Variants in PRIMPOL observed in about 807,000 individuals in gnomAD.
PRIMPOL encodes DNA-directed primase/polymerase protein.
Under a neutral mutation model 63.6 loss-of-function variants are expected in PRIMPOL, and 54 were observed. The ratio of observed to expected loss-of-function variants is 0.85; its 90% CI spans 0.68 to 1.07. The LOEUF (loss-of-function observed/expected upper bound fraction) is 1.07, where lower values mean the gene tolerates loss of function less well. Ranked by LOEUF, PRIMPOL falls within the 50% of genes least tolerant of loss-of-function variation. The probability of loss-of-function intolerance (pLI) is 0.00; values close to 1 mark genes in which losing one functional copy is unlikely to be tolerated. For missense variants in PRIMPOL, 610 were observed against 648.3 expected (o/e 0.94, Z 0.64); for synonymous variants, 197 against 220.2 (o/e 0.89, Z 0.93).
chr4:184,690,050 G>A (rs948749802), intron 11 of PRIMPOL, among the ~76,000 whole-genome samples: 3 of 151,976 alleles, frequency 2.0e-5, no homozygotes, highest in Non-Finnish European at 2.9e-5. Context: ...TTGCTCCTGG[G>A]TGCAGGTCCC....
At chr4:184,680,008 GA>G (rs1393525758) in intron 8 of PRIMPOL, among the ~76,000 whole-genome samples, 1 of 152,178 alleles carries the variant, frequency 6.6e-6, no homozygotes, top group Non-Finnish European at 1.5e-5. Flanking sequence ...AGACCTGCTA[GA>G]TGTCATTTCT....
At chr4:184,655,742 G>A (rs1746243519) in intron 2 of PRIMPOL, among the ~76,000 whole-genome samples, 1 of 152,144 alleles carries the variant, frequency 6.6e-6, no homozygotes. Context: ...AACTCAATAA[G>A]CACAAATGTG....
At chr4:184,692,755 G>C (rs1168996397) in intron 13 of PRIMPOL, among the ~76,000 whole-genome samples, 1 of 151,956 alleles carries the variant, frequency 6.6e-6, no homozygotes, top group Non-Finnish European at 1.5e-5. Context: ...GATAATTTAT[G>C]AGAGCACCTA....
In PRIMPOL at chr4:184,694,759, A is replaced by G. The variant is rs1164325268; in HGVS notation, c.1663A>G (p.Ile555Val). ...EVDEIPDELI[I>V]EVLQE ...GGATGAAATTCCTGATGAACTAATT[A>G]TAGAAGTATTACAAGAGTAACTAAT... Residue 555 changes from isoleucine (I) to valine (V), a missense_variant, in exon 14 of 14, where the codon ATA (isoleucine) becomes GTA (valine). By Grantham distance (29) the Ile-to-Val change is conservative (BLOSUM62 3). Transcript: ENST00000314970. 6.2e-7 allele frequency: 1 copy of G among 1,611,742 alleles called. No homozygotes were observed. The highest frequency in any genetic ancestry group is 8.5e-7 in the Non-Finnish European group (1 of 1,177,840).
chr4:184,680,994 G>A (rs537044576), intron 8 of PRIMPOL, among the ~76,000 whole-genome samples: 6 of 152,198 alleles, frequency 3.9e-5, no homozygotes, highest in Non-Finnish European at 8.8e-5. Flanking sequence ...TATGGGAAAA[G>A]CAACTACAGC....
At chr4:184,659,282 GT>G (rs1315410628) in intron 3 of PRIMPOL, 57 bp from the exon 4 acceptor site, 1 of 1,264,436 alleles carries the variant, frequency 7.9e-7, no homozygotes, top group Admixed American at 1.8e-5. Context: ...AGTAGCTACA[GT>G]TGAGTTTAGG....
At chr4:184,682,015 C>T (rs1394020023) in intron 8 of PRIMPOL, among the ~76,000 whole-genome samples, 1 of 152,192 alleles carries the variant, frequency 6.6e-6, no homozygotes, top group African/African-American at 2.4e-5. Flanking sequence ...TAAGTAATCA[C>T]CAACCTACTC....
At position 184,691,651 on chromosome 4, in the gene PRIMPOL, A is replaced by G. The variant is rs780814114; in HGVS notation, c.1379-15A>G. The G allele has an allele frequency of 3.9e-5, 63 of 1,610,318 alleles. No homozygotes were observed. Among genetic ancestry groups the G allele is most frequent in the Admixed American group, 3.7e-4 (22 of 59,970 alleles). On this transcript the variant is annotated splice_polypyrimidine_tract_variant and intron_variant, in intron 12 of 13. Transcript: ENST00000314970. ...AACTGTAATATGTAATAGTTTTGCTATCTTTCTGATTCAGGTTTCCCATTA... is the reference window on the plus strand; with the variant it reads ...AACTGTAATATGTAATAGTTTTGCTGTCTTTCTGATTCAGGTTTCCCATTA...
intron 2 of PRIMPOL, among the ~76,000 whole-genome samples, chr4:184,655,159 G>A (rs576303314): frequency 2.6e-5 from 4 of 151,500 alleles, no homozygotes; most frequent in South Asian, 2.1e-4. Context: ...ACAGGTGCCC[G>A]CCACCACGCC....
intron 5 of PRIMPOL, among the ~76,000 whole-genome samples, chr4:184,663,329 G>A (rs112965655): frequency 0.023 from 3,553 of 152,224 alleles, 149 homozygotes; most frequent in African/African-American, 0.081. Flanking sequence ...ATAGGCGCGA[G>A]CCATTGTGCC....
chr4:184,659,415 T>C lies in PRIMPOL; in HGVS notation c.256T>C (p.Phe86Leu). 1.9e-6 allele frequency: 3 copies of C among 1,613,662 alleles called. No individual in the cohort carries two copies. Among genetic ancestry groups the C allele is most frequent in the Non-Finnish European group, 2.5e-6 (3 of 1,179,566 alleles). ...RIYLVTTYAEFWFYYKSRKNL... is the reference protein window; with the variant it reads ...RIYLVTTYAELWFYYKSRKNL... ...TTACCTTGTGACAACCTATGCTGAA[T>C]TTTGGTTTTACTATAAATCCAGGTA... is the stretch of plus-strand genomic sequence containing the variant. The change falls in exon 4 of 14, where the codon TTT becomes CTT. Residue 86 changes from phenylalanine to leucine, a missense_variant. Physicochemically the swap from Phe to Leu is conservative, Grantham distance 22. Around this residue, in one of 3 missense-constraint regions of PRIMPOL, gnomAD observed 159 missense variants for 168.9 expected, o/e 0.94. Transcript: ENST00000314970.
chr4:184,675,178 T>C (rs938737141), intron 7 of PRIMPOL, among the ~76,000 whole-genome samples: 2 of 152,210 alleles, frequency 1.3e-5, no homozygotes, highest in Non-Finnish European at 2.9e-5. Flanking sequence ...TAAGAACTTA[T>C]TATGGCAGTG....
At chr4:184,689,407 C>G (rs1004607745) in intron 11 of PRIMPOL, among the ~76,000 whole-genome samples, 3 of 151,476 alleles carry the variant, frequency 2.0e-5, no homozygotes, top group African/African-American at 7.3e-5. Context: ...ACCCCACCCT[C>G]CCCAACTCAT....
At chr4:184,691,896 CCTTT>C (rs909523155) in intron 13 of PRIMPOL, among the ~76,000 whole-genome samples, 184 bp downstream of exon 13, 18 of 56,344 alleles carry the variant, frequency 3.2e-4, no homozygotes, top group Non-Finnish European at 4.5e-4. Context: ...ATAATACAAA[CCTTT>C]TTTTTTTTTT....
At chr4:184,654,208 T>G (rs994269017) in intron 2 of PRIMPOL, among the ~76,000 whole-genome samples, 1 of 152,256 alleles carries the variant, frequency 6.6e-6, no homozygotes, top group Non-Finnish European at 1.5e-5. Context: ...CATAGTCATT[T>G]GTAGTCAGTT....
At chr4:184,682,142 A>C (rs897474315) in intron 8 of PRIMPOL, 106 bp from the exon 9 acceptor site, 2 of 577,310 alleles carry the variant, frequency 3.5e-6, no homozygotes, top group Admixed American at 6.3e-5. Flanking sequence ...TGCTGAACAA[A>C]GGATTTTAAT....
At chr4:184,693,122 C>T (rs565298336) in intron 13 of PRIMPOL, among the ~76,000 whole-genome samples, 14 of 152,256 alleles carry the variant, frequency 9.2e-5, no homozygotes, top group South Asian at 2.1e-4. Flanking sequence ...AGTCTTAACA[C>T]GTCTCTCGAA....
chr4:184,667,609 C>T (rs1353089379), intron 6 of PRIMPOL, among the ~76,000 whole-genome samples: 3 of 151,524 alleles, frequency 2.0e-5, no homozygotes, highest in South Asian at 2.1e-4. Flanking sequence ...CGTGCCTGGC[C>T]GAAAGTGAGA....
At chr4:184,675,978 C>A (rs999535283) in intron 7 of PRIMPOL, among the ~76,000 whole-genome samples, 1 of 152,138 alleles carries the variant, frequency 6.6e-6, no homozygotes, top group South Asian at 2.1e-4. Flanking sequence ...TAGTAGTAGT[C>A]TGATTTTATC....
Sources: gnomAD v4.1 joint callset for allele counts (sites outside exome capture counted in the v4.1 genomes callset) on GRCh38, gnomAD v4.1.1 for gene constraint, gnomAD v4.1.1 regional missense constraint, MANE v1.5 for transcripts, NCBI Gene and HGNC (gene_info 2026-07-23, HGNC 2026-07-21) for gene names.